Variants in CPEB3 observed in about 807,000 individuals in gnomAD.
The protein encoded by CPEB3 is cytoplasmic polyadenylation element-binding protein 3.
Under a neutral mutation model 67.2 loss-of-function variants are expected in CPEB3, and 20 were observed. That is an observed-to-expected ratio of 0.30 (90% CI 0.21 to 0.43). CPEB3 has a LOEUF of 0.43. Ranked by LOEUF, CPEB3 falls within the 20% of genes least tolerant of loss-of-function variation. The probability of loss-of-function intolerance (pLI) is 1.00; values close to 1 mark genes in which losing one functional copy is unlikely to be tolerated. For synonymous variants in CPEB3, 376 were observed against 393.1 expected, an observed-to-expected ratio of 0.96 and a Z score of 0.51; for missense variants, 746 against 968.6, an observed-to-expected ratio of 0.77 and a Z score of 3.05.
intron 7 of CPEB3, among the ~76,000 whole-genome samples, chr10:92,110,238 T>C (rs1401071642): frequency 6.6e-6 from 1 of 152,232 alleles, no homozygotes; most frequent in Non-Finnish European, 1.5e-5. Context: ...CAAAGGCCGC[T>C]GCAGGCCCTG....
intron 6 of CPEB3, among the ~76,000 whole-genome samples, chr10:92,113,848 T>C (rs1379732440): frequency 5.9e-5 from 9 of 152,314 alleles, no homozygotes; most frequent in Middle Eastern, 6.8e-3. Context: ...TGGCAGTAGA[T>C]AGAGTAAAAA....
intron 1 of CPEB3, among the ~76,000 whole-genome samples, chr10:92,278,554 C>T (rs564680630): frequency 6.6e-6 from 1 of 151,380 alleles, no homozygotes; most frequent in East Asian, 1.9e-4. Flanking sequence ...TACCTTTTTG[C>T]ACATTGAGCT....
At chr10:92,165,403 C>CTTTTT (rs34205234) in intron 4 of CPEB3, among the ~76,000 whole-genome samples, 18 of 121,460 alleles carry the variant, frequency 1.5e-4, no homozygotes, top group Non-Finnish European at 1.3e-4. Flanking sequence ...CTTTTTTCTT[C>CTTTTT]TTTTTTTTTT....
chr10:92,140,013 C>A (rs1846321353), intron 6 of CPEB3, among the ~76,000 whole-genome samples: 1 of 148,610 alleles, frequency 6.7e-6, no homozygotes, highest in African/African-American at 2.5e-5. Context: ...GTGGAGGTTG[C>A]AGAAGCCGAG....
chr10:92,166,211 T>C (rs550732909), intron 4 of CPEB3, among the ~76,000 whole-genome samples: 1 of 151,656 alleles, frequency 6.6e-6, no homozygotes, highest in South Asian at 2.1e-4. Context: ...CGGGTTCAAG[T>C]GATTCTCCTG....
At chr10:92,060,333 G>A (rs1417440149) in intron 9 of CPEB3, among the ~76,000 whole-genome samples, 1 of 152,102 alleles carries the variant, frequency 6.6e-6, no homozygotes, top group Admixed American at 6.6e-5. Flanking sequence ...CTGGGTGACA[G>A]AGGAAGACCT....
At chr10:92,278,313 G>C (rs1428028515) in intron 1 of CPEB3, among the ~76,000 whole-genome samples, 1 of 152,168 alleles carries the variant, frequency 6.6e-6, no homozygotes, top group East Asian at 1.9e-4. Flanking sequence ...TGAATCTGTA[G>C]ATCAGTTTGA....
intron 3 of CPEB3, among the ~76,000 whole-genome samples, chr10:92,185,693 C>T (rs1848656279): frequency 6.6e-6 from 1 of 152,120 alleles, no homozygotes; most frequent in African/African-American, 2.4e-5. Context: ...CATCAGAAAG[C>T]TTCATGTAAC....
At chr10:92,176,499 A>G (rs1202092996) in intron 4 of CPEB3, among the ~76,000 whole-genome samples, 1 of 152,200 alleles carries the variant, frequency 6.6e-6, no homozygotes, top group Non-Finnish European at 1.5e-5. Context: ...TTCAAGTTTC[A>G]CATGCCTTCC....
At chr10:92,241,060 A>T (rs748792963) in intron 1 of CPEB3, among the ~76,000 whole-genome samples, 1 of 152,146 alleles carries the variant, frequency 6.6e-6, no homozygotes, top group Non-Finnish European at 1.5e-5. Context: ...GTTAATTTTA[A>T]AAAAAACGTT....
At chr10:92,192,696 A>T (rs2134177684) in intron 2 of CPEB3, 60 bp from the exon 3 acceptor site, 1 of 1,312,334 alleles carries the variant, frequency 7.6e-7, no homozygotes, top group Non-Finnish European at 1.0e-6. Context: ...TTAACACCAT[A>T]TCATTTGCTT....
intron 1 of CPEB3, among the ~76,000 whole-genome samples, chr10:92,258,815 G>A (rs907012603): frequency 6.0e-5 from 9 of 150,880 alleles, no homozygotes; most frequent in Non-Finnish European, 4.4e-5. Context: ...CCACCACCAC[G>A]CTGAGTAATT....
chr10:92,233,515 C>T (rs368709268), intron 2 of CPEB3, among the ~76,000 whole-genome samples: 10 of 134,100 alleles, frequency 7.5e-5, no homozygotes, highest in African/African-American at 1.7e-4. Flanking sequence ...CCAGCTTGGG[C>T]GACAGATTCT....
intron 2 of CPEB3, among the ~76,000 whole-genome samples, chr10:92,238,159 G>A (rs151311868): frequency 6.6e-6 from 1 of 152,312 alleles, no homozygotes; most frequent in East Asian, 1.9e-4. Context: ...ATTGGGTCTT[G>A]TTGGAGGCCT....
At chr10:92,166,269 C>T (rs566897105) in intron 4 of CPEB3, among the ~76,000 whole-genome samples, 10 of 151,998 alleles carry the variant, frequency 6.6e-5, no homozygotes, top group Admixed American at 3.3e-4. Flanking sequence ...CCACCATGCA[C>T]GGCTAATTTT....
At chr10:92,135,295 A>C (rs540044178) in intron 6 of CPEB3, among the ~76,000 whole-genome samples, 1 of 152,252 alleles carries the variant, frequency 6.6e-6, no homozygotes, top group Non-Finnish European at 1.5e-5. Context: ...CAGAATCTAC[A>C]AAGAACTTAA....
At chr10:92,183,450 G>A (rs1162890328) in intron 3 of CPEB3, among the ~76,000 whole-genome samples, 1 of 152,004 alleles carries the variant, frequency 6.6e-6, no homozygotes, top group East Asian at 1.9e-4. Flanking sequence ...CACTCAGTAG[G>A]GAGAAAGTAT....
In CPEB3 at chr10:92,192,731, T is replaced by C. The variant is rs375553177; in HGVS notation, c.1006-95A>G. 18 of 916,650 alleles carry C rather than the reference T, an allele frequency of 2.0e-5. No homozygotes were observed. In the African/African-American group the frequency reaches 2.7e-4, roughly 14 times the overall value. The allele number at this position is 916,650 out of a possible 1,614,324, so 56.8% of individuals were successfully genotyped here. The stretch of plus-strand genomic sequence containing the variant: ...TCCTGCTGTGGATTGATGACATGAA[T>C]GAAAGTTACAGAGAGCCCCAACAGC... On this transcript the variant is annotated intron_variant, in intron 2 of 9. Transcript: ENST00000265997.
chr10:92,155,470 A>G (rs1389588627), intron 4 of CPEB3, among the ~76,000 whole-genome samples: 1 of 152,246 alleles, frequency 6.6e-6, no homozygotes, highest in African/African-American at 2.4e-5. Flanking sequence ...AAATGAATAC[A>G]TCTCAGAGAA....
Sources: allele counts gnomAD v4.1 joint callset (sites outside exome capture counted in the v4.1 genomes callset), GRCh38; gene constraint gnomAD v4.1.1; transcripts MANE v1.5; gene names NCBI Gene and HGNC (gene_info 2026-07-23, HGNC 2026-07-21).